The following SORBS2 variants were observed in gnomAD, a reference collection of about 807,000 sequenced individuals.
SORBS2 encodes the protein sorbin and SH3 domain-containing protein 2.
In SORBS2, 46 loss-of-function variants were observed where a neutral mutation model predicts 97.7. The ratio of observed to expected loss-of-function variants is 0.47; its 90% CI spans 0.37 to 0.60. SORBS2 has a LOEUF of 0.60. SORBS2 is among the 20% of genes least tolerant of loss of function. The pLI is 0.00. For missense variants in SORBS2, 1,316 were observed against 1,282.3 expected, an observed-to-expected ratio of 1.03 and a Z score of -0.40; for synonymous variants, 476 against 473.4, an observed-to-expected ratio of 1.01 and a Z score of -0.07.
At chr4:185,781,054 C>T (rs1412246172) in intron 1 of SORBS2, among the ~76,000 whole-genome samples, 1 of 152,206 alleles carries the variant, frequency 6.6e-6, no homozygotes, top group Non-Finnish European at 1.5e-5. Context: ...TCTCCTGCCT[C>T]AGCCTCCCAA....
intron 12 of SORBS2, among the ~76,000 whole-genome samples, chr4:185,595,572 T>C (rs546063715): frequency 1.6e-4 from 24 of 152,304 alleles, no homozygotes; most frequent in Admixed American, 3.9e-4. Context: ...AAAACTTTCA[T>C]GCAGAAGTAA....
chr4:185,666,855 G>A (rs560654516), intron 4 of SORBS2, among the ~76,000 whole-genome samples: 53 of 152,316 alleles, frequency 3.5e-4, no homozygotes, highest in Non-Finnish European at 2.5e-4. Context: ...TAGTTAGAAT[G>A]TACCCTAGTT....
rs1160319469 is a variant in SORBS2 at position 185,721,084 on chromosome 4, C to CTTT, written c.-197-42265_-197-42263dup. ...CCTAACTCCTGCTTTCCCACCTATTCTTTTTTTTTTTTTTTTTTTTTTGAG... is the reference window on the plus strand; with the variant it reads ...CCTAACTCCTGCTTTCCCACCTATTCTTTTTTTTTTTTTTTTTTTTTTTTTGAG... On this transcript the variant is annotated intron_variant, in intron 2 of 20. Coordinates refer to the SORBS2 transcript ENST00000284776. Among the ~76,000 whole-genome samples, 39 of 92,162 alleles carry CTTT rather than the reference C, an allele frequency of 4.2e-4. 1 individual carries two copies. Among genetic ancestry groups the CTTT allele is most frequent in the African/African-American group, 7.5e-4 (17 of 22,698 alleles). The allele number at this position is 92,162 out of a possible 152,430, so 60.5% of individuals were successfully genotyped here. A position where few individuals can be genotyped will look rare whatever the true frequency, so the allele number is the denominator to read the frequency against.
In SORBS2 at chr4:185,596,728, T is replaced by C. The variant is rs187464311; in HGVS notation, c.2797-2793A>G. 4.1e-3 allele frequency among the ~76,000 whole-genome samples: 616 copies of C among 151,872 alleles called. 5 individuals carry two copies. Among genetic ancestry groups the C allele is most frequent in the African/African-American group, 0.014 (591 of 41,394 alleles). ...TTTTGTATTTTTAGTAGAGACAGGG[T>C]TTCACCATGTTAGCCAGGATGGTCT... On this transcript the variant is annotated intron_variant, in intron 12 of 14. Coordinates refer to ENST00000418609, the Ensembl canonical transcript of SORBS2.
intron 1 of SORBS2, chr4:185,810,706 C>G (rs1270462930): frequency 1.3e-5 from 2 of 152,188 alleles, no homozygotes; most frequent in African/African-American, 4.8e-5. Flanking sequence ...TCCACAGTAA[C>G]AGCTTTGTTC....
At chr4:185,624,223 C>G in exon 7 of SORBS2, 1 of 1,614,204 alleles carries the variant, frequency 6.2e-7, no homozygotes. Flanking sequence ...ACTTGACTTT[C>G]GGGTCCGGGA....
intron 1 of SORBS2, among the ~76,000 whole-genome samples, chr4:185,843,097 G>A (rs902823739): frequency 8.5e-5 from 13 of 152,150 alleles, no homozygotes; most frequent in Non-Finnish European, 1.8e-4. Context: ...AACACAGGGA[G>A]TGTGGGTAGA....
At chr4:185,600,363 G>C (rs967466814) in intron 12 of SORBS2, among the ~76,000 whole-genome samples, 1 of 152,168 alleles carries the variant, frequency 6.6e-6, no homozygotes, top group Admixed American at 6.5e-5. Context: ...TTTTGAGACG[G>C]AGTCTGGCTC....
At chr4:185,764,843 T>A (rs539427892) in intron 2 of SORBS2, among the ~76,000 whole-genome samples, 1 of 152,182 alleles carries the variant, frequency 6.6e-6, no homozygotes, top group African/African-American at 2.4e-5. Context: ...TAAAGCCTGC[T>A]GCACATGTCT....
chr4:185,677,884 T>A (rs2097817502), intron 4 of SORBS2, among the ~76,000 whole-genome samples: 1 of 152,190 alleles, frequency 6.6e-6, no homozygotes, highest in Admixed American at 6.5e-5. Context: ...GAGAATACAT[T>A]ATAACATTTG....
At chr4:185,688,217 A>G (rs545613343) in intron 2 of SORBS2, among the ~76,000 whole-genome samples, 1 of 152,328 alleles carries the variant, frequency 6.6e-6, no homozygotes, top group South Asian at 2.1e-4. Flanking sequence ...AATTAACCAC[A>G]TTCCCCATGG....
At chr4:185,839,636 G>A (rs573337856) in intron 1 of SORBS2, among the ~76,000 whole-genome samples, 1 of 152,180 alleles carries the variant, frequency 6.6e-6, no homozygotes, top group African/African-American at 2.4e-5. Flanking sequence ...GTGCTGTAAA[G>A]AGTTGTTTTT....
chr4:185,811,755 C>T (rs985335962), intron 1 of SORBS2: 5 of 152,298 alleles, frequency 3.3e-5, no homozygotes, highest in Non-Finnish European at 7.3e-5. Context: ...AATCTGTTAA[C>T]AGGAAGCAGG....
intron 1 of SORBS2, among the ~76,000 whole-genome samples, chr4:185,940,524 C>T (rs1170859119): frequency 1.3e-5 from 2 of 152,292 alleles, no homozygotes; most frequent in African/African-American, 2.4e-5. Flanking sequence ...CCGCTCCACA[C>T]CAGCTTTCCT....
chr4:185,587,427 G>A (rs1580323135), exon 15 of SORBS2: 8 of 573,306 alleles, frequency 1.4e-5, no homozygotes, highest in Admixed American at 3.0e-5. Flanking sequence ...ACACTTTCAC[G>A]GAGGGGGACC....
At chr4:185,905,221 G>A (rs904534715) in intron 1 of SORBS2, among the ~76,000 whole-genome samples, 2 of 152,098 alleles carry the variant, frequency 1.3e-5, no homozygotes, top group Admixed American at 6.5e-5. Context: ...AAAACCCCAG[G>A]GAAACACAGG....
At chr4:185,840,072 G>A (rs2099210567) in intron 1 of SORBS2, among the ~76,000 whole-genome samples, 1 of 152,218 alleles carries the variant, frequency 6.6e-6, no homozygotes, top group Non-Finnish European at 1.5e-5. Flanking sequence ...TCACCCCAGT[G>A]CTTCTCTGTG....
chr4:185,836,869 A>G (rs1205883058), intron 1 of SORBS2, among the ~76,000 whole-genome samples: 2 of 152,204 alleles, frequency 1.3e-5, no homozygotes, highest in African/African-American at 4.8e-5. Context: ...TTTGCTAAAA[A>G]CTGGCTCTGT....
intron 1 of SORBS2, among the ~76,000 whole-genome samples, chr4:185,907,545 G>T (rs560184915): frequency 6.6e-6 from 1 of 152,150 alleles, no homozygotes; most frequent in Non-Finnish European, 1.5e-5. Flanking sequence ...TTTCTGGAGA[G>T]CTTTGCTTCT....
Sources: gnomAD v4.1 joint callset for allele counts (sites outside exome capture counted in the v4.1 genomes callset) on GRCh38, gnomAD v4.1.1 for gene constraint, MANE v1.5 for transcripts, NCBI Gene and HGNC (gene_info 2026-07-23, HGNC 2026-07-21) for gene names.